FTO: variants seen among roughly 807,000 people sequenced by gnomAD.
FTO encodes the protein alpha-ketoglutarate-dependent dioxygenase FTO.
Under a neutral mutation model 63.9 loss-of-function variants are expected in FTO, and 47 were observed. The ratio of observed to expected loss-of-function variants is 0.74; its 90% CI spans 0.58 to 0.94. The LOEUF (loss-of-function observed/expected upper bound fraction) is 0.94, where lower values mean the gene tolerates loss of function less well. Among genes scored for constraint, FTO ranks in the 40% least tolerant of loss-of-function variants. FTO has a pLI of 0.00. For synonymous variants in FTO, 207 were observed against 224.4 expected (o/e 0.92, Z 0.69); for missense variants, 562 against 618.1 (o/e 0.91, Z 0.96).
chr16:53,901,519 C>T (rs1348265025), intron 7 of FTO, among the ~76,000 whole-genome samples: 2 of 152,196 alleles, frequency 1.3e-5, no homozygotes, highest in African/African-American at 4.8e-5. Context: ...GTGGTCTTCT[C>T]TCACTTCCAC....
chr16:53,981,538 C>T (rs1274566486), intron 8 of FTO: 3 of 152,290 alleles, frequency 2.0e-5, no homozygotes, highest in African/African-American at 7.2e-5. Context: ...TTTGGGAGGC[C>T]AAGACGGGCG....
intron 8 of FTO, among the ~76,000 whole-genome samples, chr16:54,059,946 A>G (rs1196154929): frequency 5.3e-5 from 8 of 152,140 alleles, no homozygotes; most frequent in African/African-American, 1.7e-4. Context: ...TCAGTACAAA[A>G]TAAAACGTGT....
At chr16:53,839,059 A>G (rs1160164203) in intron 3 of FTO, among the ~76,000 whole-genome samples, 1 of 152,220 alleles carries the variant, frequency 6.6e-6, no homozygotes, top group African/African-American at 2.4e-5. Context: ...AAATGTAAAC[A>G]AAGTATTTTG....
At chr16:53,940,273 T>C (rs1372747616) in intron 8 of FTO, among the ~76,000 whole-genome samples, 1 of 152,230 alleles carries the variant, frequency 6.6e-6, no homozygotes, top group African/African-American at 2.4e-5. Context: ...TTGAAAACTA[T>C]TGCTTTTTCA....
At chr16:54,020,707 C>T (rs1333210592) in intron 8 of FTO, among the ~76,000 whole-genome samples, 1 of 152,186 alleles carries the variant, frequency 6.6e-6, no homozygotes, top group Non-Finnish European at 1.5e-5. Context: ...TGTGGTGGCT[C>T]ATGCCTGTAA....
At chr16:53,976,993 T>C (rs2083449559) in intron 8 of FTO, among the ~76,000 whole-genome samples, 1 of 152,166 alleles carries the variant, frequency 6.6e-6, no homozygotes. Context: ...TTGGTCTCTT[T>C]TTCCTGTCTT....
At chr16:53,947,939 G>A (rs1339192182) in intron 8 of FTO, among the ~76,000 whole-genome samples, 2 of 152,174 alleles carry the variant, frequency 1.3e-5, no homozygotes, top group African/African-American at 4.8e-5. Flanking sequence ...TTGGAAACGG[G>A]CTATGGCAGA....
At chr16:53,929,637 G>A (rs1457846953) in intron 7 of FTO, among the ~76,000 whole-genome samples, 1 of 152,184 alleles carries the variant, frequency 6.6e-6, no homozygotes, top group Non-Finnish European at 1.5e-5. Flanking sequence ...CAGAATGGTA[G>A]TATTTTGCAT....
At chr16:53,744,059 AG>A (rs1321770031) in intron 1 of FTO, among the ~76,000 whole-genome samples, 2 of 152,196 alleles carry the variant, frequency 1.3e-5, no homozygotes, top group Non-Finnish European at 2.9e-5. Flanking sequence ...AGTGAGCAGT[AG>A]CTGGAAGTGG....
chr16:53,725,120 A>G (rs1221953782), intron 1 of FTO, among the ~76,000 whole-genome samples: 2 of 152,182 alleles, frequency 1.3e-5, no homozygotes, highest in Admixed American at 1.3e-4. Flanking sequence ...CTACAGGAGT[A>G]CTTCCTTTTC....
Position 54,030,126 on chromosome 16 carries a change from T to G in FTO, c.1365-81636T>G, listed in dbSNP as rs565071561. Reference sequence around the variant, plus strand: ...AGGTTCTCTCTTCCTCCTAATCCTGTCACCTTGACATCTGCAGGCTTTAGT... The same window carrying G: ...AGGTTCTCTCTTCCTCCTAATCCTGGCACCTTGACATCTGCAGGCTTTAGT... On this transcript the variant is annotated intron_variant, in intron 8 of 8. Transcript: ENST00000471389. Among the ~76,000 whole-genome samples the G allele has an allele frequency of 4.2e-4, 64 of 152,314 alleles. No homozygotes were observed. In the East Asian group the frequency reaches 4.2e-3, roughly 10 times the overall value.
intron 1 of FTO, among the ~76,000 whole-genome samples, chr16:53,761,437 G>A (rs2077067223): frequency 6.6e-6 from 1 of 152,092 alleles, no homozygotes. Flanking sequence ...TTCCAGTGAG[G>A]TTTTGGGAAG....
chr16:53,813,597 C>G (rs2078593806), intron 2 of FTO, among the ~76,000 whole-genome samples: 1 of 152,138 alleles, frequency 6.6e-6, no homozygotes, highest in Non-Finnish European at 1.5e-5. Flanking sequence ...AGTGAAAATA[C>G]TTTTTAATGA....
At chr16:53,994,870 T>A (rs9788823) in intron 8 of FTO, among the ~76,000 whole-genome samples, 125,377 of 151,970 alleles carry the variant, frequency 0.83, 52,452 homozygotes, top group East Asian at 0.99. Context: ...AGTAGCTGGG[T>A]TTACAGGTGG....
chr16:54,083,171 C>T (rs188419190), intron 8 of FTO, among the ~76,000 whole-genome samples: 28 of 152,178 alleles, frequency 1.8e-4, no homozygotes, highest in Non-Finnish European at 1.8e-4. Context: ...ATTATTTGTT[C>T]ATCTTAAGAA....
At chr16:54,031,101 G>C (rs1350152375) in intron 8 of FTO, among the ~76,000 whole-genome samples, 1 of 152,178 alleles carries the variant, frequency 6.6e-6, no homozygotes, top group Non-Finnish European at 1.5e-5. Flanking sequence ...GTAGATCTCT[G>C]AGAAAGTGCC....
intron 8 of FTO, among the ~76,000 whole-genome samples, chr16:54,012,196 A>T (rs531738448): frequency 6.6e-6 from 1 of 152,338 alleles, no homozygotes; most frequent in African/African-American, 2.4e-5. Context: ...AGAAAGGGAA[A>T]AACAGCCTTG....
chr16:53,908,205 A>G (rs1192147897), intron 7 of FTO, among the ~76,000 whole-genome samples: 4 of 152,234 alleles, frequency 2.6e-5, no homozygotes, highest in Non-Finnish European at 5.9e-5. Flanking sequence ...TTTAGGTCCT[A>G]TTATCTGCAA....
intron 1 of FTO, among the ~76,000 whole-genome samples, chr16:53,720,735 A>G (rs1369892279): frequency 6.6e-6 from 1 of 150,614 alleles, no homozygotes; most frequent in Non-Finnish European, 1.5e-5. Flanking sequence ...ACAGATATAC[A>G]GTAAATATTT....
Sources: allele counts gnomAD v4.1 joint callset (sites outside exome capture counted in the v4.1 genomes callset), GRCh38; gene constraint gnomAD v4.1.1; transcripts MANE v1.5; gene names NCBI Gene and HGNC (gene_info 2026-07-23, HGNC 2026-07-21).